The following DNAJC24 variants were observed in gnomAD, a reference collection of about 807,000 sequenced individuals.
The protein encoded by DNAJC24 is dnaJ homolog subfamily C member 24.
DNAJC24 carries 17 observed loss-of-function variants against 18.0 expected under a neutral mutation model. The observed-to-expected ratio is 0.94, with a 90% confidence interval of 0.65 to 1.42. DNAJC24 has a LOEUF of 1.42. Ranked by LOEUF, DNAJC24 falls within the 40% of genes most tolerant of loss-of-function variation. The pLI is 0.00. For missense variants in DNAJC24, 158 were observed against 175.6 expected (o/e 0.90, Z 0.57); for synonymous variants, 55 against 57.7 (o/e 0.95, Z 0.21).
At chr11:31,370,168 C>T (rs1952201938) in intron 1 of DNAJC24, among the ~76,000 whole-genome samples, 1 of 152,140 alleles carries the variant, frequency 6.6e-6, no homozygotes, top group African/African-American at 2.4e-5. Flanking sequence ...CAGCGCCTCT[C>T]CAATAACAGG....
chr11:31,420,726 T>A (rs1369070064), intron 3 of DNAJC24, among the ~76,000 whole-genome samples: 1 of 152,150 alleles, frequency 6.6e-6, no homozygotes, highest in African/African-American at 2.4e-5. Context: ...CTAATTTGAC[T>A]AAGGTCACAT....
intron 2 of DNAJC24, among the ~76,000 whole-genome samples, chr11:31,377,573 T>A (rs1377100806): frequency 3.3e-5 from 5 of 152,004 alleles, no homozygotes; most frequent in East Asian, 1.9e-4. Flanking sequence ...ATTTTTAAAA[T>A]TTTTTTTAGT....
intron 2 of DNAJC24, among the ~76,000 whole-genome samples, chr11:31,405,689 A>G (rs189765179): frequency 6.6e-6 from 1 of 152,014 alleles, no homozygotes; most frequent in Non-Finnish European, 1.5e-5. Context: ...TCCTGGCTTC[A>G]TGCAGTCCTC....
At chr11:31,389,015 C>G (rs1952459946) in intron 2 of DNAJC24, among the ~76,000 whole-genome samples, 1 of 151,658 alleles carries the variant, frequency 6.6e-6, no homozygotes, top group South Asian at 2.1e-4. Flanking sequence ...ACAATGGCTA[C>G]ACAAAAAATA....
intron 2 of DNAJC24, among the ~76,000 whole-genome samples, chr11:31,410,309 C>T (rs904361180): frequency 1.4e-4 from 22 of 152,154 alleles, no homozygotes; most frequent in African/African-American, 5.3e-4. Context: ...AGTTCATGTG[C>T]ACACTGTCTG....
At position 31,430,316 on chromosome 11, in the gene DNAJC24, GTGTTTCCAAGGATGAAGCGGA is replaced by G; in HGVS notation, c.366_386del (p.Ser122_Glu129delinsArg). 6.2e-7 allele frequency: 1 copy of G among 1,611,386 alleles called. No individual in the cohort carries two copies. Among genetic ancestry groups the G allele is most frequent in the Non-Finnish European group, 8.5e-7 (1 of 1,178,094 alleles). The stretch of plus-strand genomic sequence containing the variant: ...AGTTGCAGATGTGGTGGAAAATACA[GTGTTTCCAAGGATGAAGCGGA>G]AGAAGTTAGCCTGATTTCTTGTGAT... On this transcript the variant is annotated inframe_deletion, in exon 5 of 5. Transcript: ENST00000465995.
At chr11:31,398,104 T>C (rs1426093842) in intron 2 of DNAJC24, among the ~76,000 whole-genome samples, 7 of 152,178 alleles carry the variant, frequency 4.6e-5, no homozygotes, top group Non-Finnish European at 8.8e-5. Flanking sequence ...CCTGGCCCAA[T>C]ATGTATTTCT....
At chr11:31,370,695 G>C in intron 1 of DNAJC24, 21 bp from the exon 2 acceptor site, 1 of 1,232,220 alleles carries the variant, frequency 8.1e-7, no homozygotes, top group Non-Finnish European at 1.2e-6. Flanking sequence ...GTGATGAATT[G>C]TCATTAATAT....
chr11:31,401,828 C>T (rs1375188829), intron 2 of DNAJC24, among the ~76,000 whole-genome samples: 1 of 152,140 alleles, frequency 6.6e-6, no homozygotes, highest in Non-Finnish European at 1.5e-5. Flanking sequence ...CACACTGAAA[C>T]ATCACTTTAA....
intron 2 of DNAJC24, chr11:31,374,146 A>G: frequency 5.2e-6 from 2 of 388,094 alleles, no homozygotes; most frequent in Non-Finnish European, 1.1e-5. Context: ...TTGAAGTGTT[A>G]AGAGCAGGTA....
chr11:31,404,997 A>T (rs17705193), intron 2 of DNAJC24, among the ~76,000 whole-genome samples: 43,536 of 151,390 alleles, frequency 0.29, 7,038 homozygotes, highest in Non-Finnish European at 0.35. Context: ...CAGAATTGGT[A>T]TGTGAAACAT....
chr11:31,432,441 GGGAGTAATAAATTCACATGAAAA>G lies in DNAJC24; in HGVS notation c.*2045_*2067del. On this transcript the variant is annotated 3_prime_UTR_variant, in exon 5 of 5. Coordinates refer to ENST00000465995, the MANE Select transcript of DNAJC24 (RefSeq NM_181706.5). ...TTATTGGTAAGTACACGGTTTCAAC[GGGAGTAATAAATTCACATGAAAA>G]GGAGACAATAATCAAGTCAAAAGAA... The G allele has an allele frequency of 8.7e-7, 1 of 1,155,462 alleles. No individual in the cohort carries two copies. 71.6% of individuals were successfully genotyped at this position (1,155,462 alleles called of 1,614,324 possible). A position where few individuals can be genotyped will look rare whatever the true frequency, so the allele number is the denominator to read the frequency against.
In DNAJC24 at chr11:31,373,454, A is replaced by T. The variant is rs1047208099; in HGVS notation, c.111+2595A>T. Among the ~76,000 whole-genome samples, 7 of 135,006 alleles carry T rather than the reference A, an allele frequency of 5.2e-5. No individual in the cohort carries two copies. The East Asian group carries it at 1.2e-3, about 23-fold the overall frequency. 88.6% of individuals were successfully genotyped at this position (135,006 alleles called of 152,430 possible). ...CTATTACTGGACTCTATTCTGTTTT[A>T]TATGTTGTTTATCCTTTTACTAATA... On this transcript the variant is annotated intron_variant, in intron 2 of 4. Coordinates refer to ENST00000465995, the MANE Select transcript of DNAJC24 (RefSeq NM_181706.5).
chr11:31,413,628 G>A (rs1049521109), intron 2 of DNAJC24, among the ~76,000 whole-genome samples: 5 of 151,934 alleles, frequency 3.3e-5, no homozygotes, highest in South Asian at 2.1e-4. Context: ...CACTGCACCC[G>A]GCCATAAATA....
chr11:31,416,296 T>C (rs1952751009), intron 3 of DNAJC24: 1 of 152,218 alleles, frequency 6.6e-6, no homozygotes, highest in African/African-American at 2.4e-5. Context: ...ATGTTTGTAC[T>C]TTTTGCAAAA....
At chr11:31,381,406 G>A (rs1401602094) in intron 2 of DNAJC24, among the ~76,000 whole-genome samples, 2 of 152,022 alleles carry the variant, frequency 1.3e-5, no homozygotes, top group Admixed American at 1.3e-4. Context: ...CTTAAACTCA[G>A]TAATGGACTG....
At chr11:31,409,169 G>A (rs1341499153) in intron 2 of DNAJC24, among the ~76,000 whole-genome samples, 1 of 151,916 alleles carries the variant, frequency 6.6e-6, no homozygotes, top group East Asian at 1.9e-4. Flanking sequence ...TCTATTAATG[G>A]AAGAAATTCC....
intron 2 of DNAJC24, among the ~76,000 whole-genome samples, chr11:31,406,376 A>T (rs765793256): frequency 6.6e-6 from 1 of 152,218 alleles, no homozygotes. Flanking sequence ...AGTAAGTTTC[A>T]TATTTTGTAC....
intron 2 of DNAJC24, among the ~76,000 whole-genome samples, chr11:31,397,723 C>T (rs887902090): frequency 6.6e-6 from 1 of 152,130 alleles, no homozygotes; most frequent in African/African-American, 2.4e-5. Context: ...AACAGCATTT[C>T]CTCACCAACT....
Sources: allele counts gnomAD v4.1 joint callset (sites outside exome capture counted in the v4.1 genomes callset), GRCh38; gene constraint gnomAD v4.1.1; transcripts MANE v1.5; gene names NCBI Gene and HGNC (gene_info 2026-07-23, HGNC 2026-07-21).